MEIS2: variants seen among roughly 807,000 people sequenced by gnomAD.
MEIS2 encodes the protein homeobox protein Meis2.
MEIS2 carries 9 observed loss-of-function variants against 58.6 expected under a neutral mutation model. The observed-to-expected ratio is 0.15, with a 90% CI of 0.09 to 0.27. MEIS2 has a LOEUF of 0.27. MEIS2 is among the 10% of genes least tolerant of loss of function. The probability of loss-of-function intolerance (pLI) is 1.00; values close to 1 mark genes in which losing one functional copy is unlikely to be tolerated. For missense variants in MEIS2, 427 were observed against 635.0 expected (o/e 0.67, Z 3.52); for synonymous variants, 221 against 228.4 (o/e 0.97, Z 0.29).
chr15:36,904,987 A>T (rs1595689335), intron 9 of MEIS2, among the ~76,000 whole-genome samples: 1 of 152,126 alleles, frequency 6.6e-6, no homozygotes, highest in East Asian at 1.9e-4. Flanking sequence ...TTTGAGATAC[A>T]CTGTGAGAAG....
intron 6 of MEIS2, among the ~76,000 whole-genome samples, chr15:37,092,480 C>T (rs1893645461): frequency 6.6e-6 from 1 of 151,896 alleles, no homozygotes; most frequent in African/African-American, 2.4e-5. Flanking sequence ...AATATTTCGG[C>T]CACAAAGTTA....
At chr15:36,937,361 T>C (rs1213228122) in intron 9 of MEIS2, among the ~76,000 whole-genome samples, 1 of 152,150 alleles carries the variant, frequency 6.6e-6, no homozygotes, top group African/African-American at 2.4e-5. Context: ...CAATAGCTTT[T>C]TGTGAAACGC....
intron 9 of MEIS2, among the ~76,000 whole-genome samples, chr15:36,924,902 C>T (rs1181371601): frequency 1.3e-5 from 2 of 152,194 alleles, no homozygotes; most frequent in African/African-American, 4.8e-5. Context: ...TCCTTAATTT[C>T]CTCTCAGGCT....
chr15:37,096,594 G>GA (rs889951347), intron 2 of MEIS2, 164 bp from the exon 3 acceptor site: 1 of 801,216 alleles, frequency 1.2e-6, no homozygotes, highest in African/African-American at 1.8e-5. Context: ...GCCTAAGCCA[G>GA]AAACAGAAAG....
chr15:37,080,460 A>C (rs1254195160), intron 7 of MEIS2, among the ~76,000 whole-genome samples: 1 of 152,136 alleles, frequency 6.6e-6, no homozygotes, highest in Non-Finnish European at 1.5e-5. Flanking sequence ...CTTTGTACAT[A>C]TATTGTGTCT....
At chr15:36,926,934 G>A (rs934137670) in intron 9 of MEIS2, among the ~76,000 whole-genome samples, 6 of 152,072 alleles carry the variant, frequency 3.9e-5, no homozygotes, top group African/African-American at 1.5e-4. Context: ...TTATGTAAAC[G>A]GATATCTCAA....
chr15:36,925,816 A>G (rs1171892169), intron 9 of MEIS2, among the ~76,000 whole-genome samples: 1 of 152,162 alleles, frequency 6.6e-6, no homozygotes, highest in Non-Finnish European at 1.5e-5. Flanking sequence ...TCTCTCTGCT[A>G]TTCCAGTGTG....
At chr15:37,034,008 G>A (rs116974484) in intron 8 of MEIS2, among the ~76,000 whole-genome samples, 1,705 of 152,136 alleles carry the variant, frequency 0.011, 14 homozygotes, top group Non-Finnish European at 0.015. Flanking sequence ...GCAGAGGAGC[G>A]GCACAGAGAG....
At chr15:37,010,434 G>A (rs1328783827) in intron 8 of MEIS2, among the ~76,000 whole-genome samples, 1 of 152,098 alleles carries the variant, frequency 6.6e-6, no homozygotes, top group African/African-American at 2.4e-5. Context: ...CCAGGCTGGA[G>A]TGCAGTGACA....
At chr15:36,980,608 A>C (rs920750193) in intron 8 of MEIS2, among the ~76,000 whole-genome samples, 1 of 152,192 alleles carries the variant, frequency 6.6e-6, no homozygotes, top group Admixed American at 6.5e-5. Flanking sequence ...GTGGGAATTC[A>C]AGATGAGATT....
At chr15:37,022,295 G>T (rs1191152797) in intron 8 of MEIS2, among the ~76,000 whole-genome samples, 1 of 152,012 alleles carries the variant, frequency 6.6e-6, no homozygotes, top group Non-Finnish European at 1.5e-5. Context: ...TTTATTCTCA[G>T]TTTCCACCAA....
At chr15:36,993,150 A>G (rs1308996100) in intron 8 of MEIS2, among the ~76,000 whole-genome samples, 1 of 152,172 alleles carries the variant, frequency 6.6e-6, no homozygotes, top group Non-Finnish European at 1.5e-5. Flanking sequence ...CAATAAAATT[A>G]TTAAAAACCA....
At chr15:36,925,462 A>G (rs2057710329) in intron 9 of MEIS2, among the ~76,000 whole-genome samples, 1 of 152,154 alleles carries the variant, frequency 6.6e-6, no homozygotes, top group East Asian at 1.9e-4. Flanking sequence ...CACAAGGGTG[A>G]GGCGGCTGCT....
chr15:37,045,965 T>TC (rs1302082439), intron 7 of MEIS2, among the ~76,000 whole-genome samples: 2 of 151,792 alleles, frequency 1.3e-5, no homozygotes, highest in African/African-American at 4.8e-5. Context: ...CTGAACACCC[T>TC]CCCCCCGGGG....
chr15:37,049,471 T>TTTTTTG (rs147741223), intron 7 of MEIS2, among the ~76,000 whole-genome samples: 1 of 151,290 alleles, frequency 6.6e-6, no homozygotes, highest in Admixed American at 6.6e-5. Context: ...TGGTTTTGTT[T>TTTTTTG]TTTTTGTTTT....
chr15:37,089,405 A>C (rs1567284282), intron 6 of MEIS2, among the ~76,000 whole-genome samples: 1 of 152,152 alleles, frequency 6.6e-6, no homozygotes. Flanking sequence ...TATCAGAAAT[A>C]AGATTCTGGA....
At chr15:36,990,510 T>C (rs1595880480) in intron 8 of MEIS2, among the ~76,000 whole-genome samples, 1 of 152,218 alleles carries the variant, frequency 6.6e-6, no homozygotes, top group East Asian at 1.9e-4. Context: ...CCTTTTGGCA[T>C]ATCTGGAAAC....
chr15:37,089,652 T>C (rs1413607752), intron 6 of MEIS2, among the ~76,000 whole-genome samples: 1 of 152,212 alleles, frequency 6.6e-6, no homozygotes, highest in South Asian at 2.1e-4. Context: ...TTTTCTTTCC[T>C]CTACTGAATT....
At position 37,098,203 on chromosome 15, in the gene MEIS2, T is replaced by A. The variant is rs771996333; in HGVS notation, c.13-4A>T. On this transcript the variant is annotated splice_polypyrimidine_tract_variant and splice_region_variant and intron_variant, in intron 1 of 11. Transcript: ENST00000561208. Reference sequence around the variant, plus strand: ...CGTAATGGGGCAGCTCATCGTACTGTCAGAACCCGGGAAGGGGGAGGGGGC... The same window carrying A: ...CGTAATGGGGCAGCTCATCGTACTGACAGAACCCGGGAAGGGGGAGGGGGC... 1.9e-6 allele frequency: 3 copies of A among 1,578,008 alleles called. No homozygotes were observed. The highest frequency in any genetic ancestry group is 3.4e-4 in the Middle Eastern group (2 of 5,920).
Sources: allele counts gnomAD v4.1 joint callset (sites outside exome capture counted in the v4.1 genomes callset), GRCh38; gene constraint gnomAD v4.1.1; transcripts MANE v1.5; gene names NCBI Gene and HGNC (gene_info 2026-07-23, HGNC 2026-07-21).